NAV3: variants seen among roughly 807,000 people sequenced by gnomAD.
The protein encoded by NAV3 is pore membrane and/or filament interacting like protein 1.
In NAV3, 87 loss-of-function variants were observed where a neutral mutation model predicts 244.7. The observed-to-expected ratio is 0.36, with a 90% confidence interval of 0.30 to 0.42. The LOEUF is 0.42. Ranked by LOEUF, NAV3 falls within the 20% of genes least tolerant of loss-of-function variation. The pLI is 1.00. For missense variants in NAV3, 2,663 were observed against 2,893.3 expected, an observed-to-expected ratio of 0.92 and a Z score of 1.83; for synonymous variants, 1,126 against 1,042.2, an observed-to-expected ratio of 1.08 and a Z score of -1.55.
chr12:78,182,263 G>A (rs300518), intron 30 of NAV3, among the ~76,000 whole-genome samples: 143,106 of 152,108 alleles, frequency 0.94, 67,562 homozygotes, highest in East Asian at 1. Flanking sequence ...AAGAAAGAAC[G>A]CAAATGTTTA....
chr12:77,891,013 C>CT (rs1184188632), intron 1 of NAV3, among the ~76,000 whole-genome samples: 6 of 150,596 alleles, frequency 4.0e-5, no homozygotes, highest in East Asian at 1.9e-4. Flanking sequence ...ATTTTCCATC[C>CT]TTTTTTTTTA....
At chr12:77,745,761 A>G (rs537033196) in intron 2 of NAV3, among the ~76,000 whole-genome samples, 11 of 152,166 alleles carry the variant, frequency 7.2e-5, no homozygotes, top group South Asian at 2.1e-4. Context: ...TTGAGGTTAC[A>G]TGTGTATTCT....
At chr12:77,827,236 C>CA (rs10615824), upstream of NAV3, among the ~76,000 whole-genome samples, 1,134 of 68,472 alleles carry the variant, frequency 0.017, 19 homozygotes, top group African/African-American at 0.036. Flanking sequence ...ACTCTGTCTC[C>CA]AAAAAAAAAA....
At chr12:77,840,047 TG>T (rs1875363431) in intron 1 of NAV3, among the ~76,000 whole-genome samples, 1 of 152,114 alleles carries the variant, frequency 6.6e-6, no homozygotes, top group Non-Finnish European at 1.5e-5. Context: ...TACTCCAGCC[TG>T]GGGGATAGAG....
chr12:78,095,946 G>C (rs147919934), intron 12 of NAV3, among the ~76,000 whole-genome samples: 1 of 152,140 alleles, frequency 6.6e-6, no homozygotes, highest in Non-Finnish European at 1.5e-5. Flanking sequence ...TAGGCTAGTG[G>C]CAGATCTGGA....
intron 12 of NAV3, among the ~76,000 whole-genome samples, chr12:78,091,929 AC>A: frequency 6.6e-6 from 1 of 152,088 alleles, no homozygotes; most frequent in Non-Finnish European, 1.5e-5. Context: ...CCAATAAAGC[AC>A]TCACTCACTC....
chr12:78,144,302 C>T (rs986505999), intron 20 of NAV3, among the ~76,000 whole-genome samples: 1 of 151,934 alleles, frequency 6.6e-6, no homozygotes, highest in Admixed American at 6.6e-5. Flanking sequence ...CACTTATTGG[C>T]TTATAGAATA....
chr12:78,089,339 C>T (rs1953803164), intron 12 of NAV3, among the ~76,000 whole-genome samples: 1 of 152,052 alleles, frequency 6.6e-6, no homozygotes, highest in Non-Finnish European at 1.5e-5. Flanking sequence ...TGAAAGCATT[C>T]AGATGACCAT....
At chr12:78,007,507 G>T (rs79264454) in intron 8 of NAV3, 62 bp downstream of exon 8, 1 of 1,507,474 alleles carries the variant, frequency 6.6e-7, no homozygotes, top group Non-Finnish European at 8.9e-7. Context: ...TACTCAGAGT[G>T]TAATAGGGAA....
intron 9 of NAV3, among the ~76,000 whole-genome samples, chr12:78,032,516 G>A (rs11107935): frequency 0.13 from 19,047 of 152,028 alleles, 1,928 homozygotes; most frequent in African/African-American, 0.28. Context: ...TTTTAAGTAC[G>A]TCACTTAAAT....
chr12:77,706,895 C>CAA (rs1241435051), intron 2 of NAV3, among the ~76,000 whole-genome samples: 12 of 100,232 alleles, frequency 1.2e-4, no homozygotes, highest in Non-Finnish European at 1.9e-4. Context: ...AAAAAAAAAC[C>CAA]AAAAAAAAAA....
intron 5 of NAV3, among the ~76,000 whole-genome samples, chr12:77,989,860 T>C (rs1871157495): frequency 6.6e-6 from 1 of 152,166 alleles, no homozygotes; most frequent in African/African-American, 2.4e-5. Context: ...ATAGTTCTTA[T>C]TCTGCTTTTT....
chr12:77,934,000 T>C (rs1227207093), intron 1 of NAV3, among the ~76,000 whole-genome samples: 1 of 152,222 alleles, frequency 6.6e-6, no homozygotes, highest in African/African-American at 2.4e-5. Context: ...CCTCTTTCTC[T>C]GTATAGTAGG....
rs558398485 is a variant in NAV3, at chr12:77,777,336, C to T, written c.73-162983C>T. Among the ~76,000 whole-genome samples, 4 of 152,212 alleles carry T rather than the reference C, an allele frequency of 2.6e-5. No individual in the cohort carries two copies. In the South Asian group the frequency reaches 8.3e-4, roughly 32 times the overall value. On this transcript the variant is annotated intron_variant, in intron 2 of 8. Transcript: ENST00000550042. ...TTCTCTGTCAAAATATCTTATTATACTATGCTCACCCTTCCTTGTGATGAT... is the reference window on the plus strand; with the variant it reads ...TTCTCTGTCAAAATATCTTATTATATTATGCTCACCCTTCCTTGTGATGAT...
At chr12:77,684,996 A>G (rs745380075) in intron 2 of NAV3, among the ~76,000 whole-genome samples, 1 of 152,172 alleles carries the variant, frequency 6.6e-6, no homozygotes, top group Non-Finnish European at 1.5e-5. Flanking sequence ...TGGTCTATTC[A>G]TGTATCCTAA....
intron 37 of NAV3, among the ~76,000 whole-genome samples, chr12:78,199,992 A>G (rs1959469590): frequency 6.6e-6 from 1 of 152,100 alleles, no homozygotes; most frequent in Non-Finnish European, 1.5e-5. Context: ...TTGCATAAAG[A>G]TATTTACATT....
intron 9 of NAV3, 104 bp from the exon 10 acceptor site, chr12:78,049,889 T>C: frequency 1.5e-6 from 1 of 672,444 alleles, no homozygotes; most frequent in Non-Finnish European, 2.6e-6. Flanking sequence ...ATGTATTACA[T>C]ATCCTTTTAC....
chr12:78,069,164 A>G (rs1011649502), intron 12 of NAV3, among the ~76,000 whole-genome samples: 4 of 151,898 alleles, frequency 2.6e-5, no homozygotes, highest in African/African-American at 9.7e-5. Flanking sequence ...GCTTGACTTA[A>G]TTTGCATTTT....
chr12:78,051,545 A>C (rs1862750538), intron 11 of NAV3, among the ~76,000 whole-genome samples: 2 of 152,172 alleles, frequency 1.3e-5, no homozygotes, highest in African/African-American at 4.8e-5. Context: ...TTTGAGAAAC[A>C]AATATTTTCT....
Sources: allele counts gnomAD v4.1 joint callset (sites outside exome capture counted in the v4.1 genomes callset), GRCh38; gene constraint gnomAD v4.1.1; transcripts MANE v1.5; gene names NCBI Gene and HGNC (gene_info 2026-07-23, HGNC 2026-07-21).